REEP3: variants seen among roughly 807,000 people sequenced by gnomAD.
REEP3 encodes receptor accessory protein 3, also known as receptor expression-enhancing protein 3.
REEP3 carries 20 observed loss-of-function variants against 41.3 expected under a neutral mutation model. That is an observed-to-expected ratio of 0.48 (90% CI 0.34 to 0.70). REEP3 has a LOEUF of 0.70. Ranked by LOEUF, REEP3 falls within the 30% of genes least tolerant of loss-of-function variation. REEP3 has a pLI of 0.01. For synonymous variants in REEP3, 104 were observed against 101.8 expected (o/e 1.02, Z -0.13); for missense variants, 271 against 308.8 (o/e 0.88, Z 0.92).
chr10:63,618,104 G>T (rs1034319807), intron 6 of REEP3, among the ~76,000 whole-genome samples: 9 of 151,826 alleles, frequency 5.9e-5, no homozygotes, highest in Admixed American at 2.0e-4. Context: ...GGGATTACAG[G>T]TGTGAGCCAC....
At chr10:63,570,266 T>G (rs1407790734) in intron 2 of REEP3, among the ~76,000 whole-genome samples, 1 of 152,218 alleles carries the variant, frequency 6.6e-6, no homozygotes, top group Non-Finnish European at 1.5e-5. Flanking sequence ...TCCATCAGCA[T>G]TCAAACTGAT....
chr10:63,561,759 A>G (rs551649564), intron 1 of REEP3, among the ~76,000 whole-genome samples: 21 of 152,186 alleles, frequency 1.4e-4, no homozygotes, highest in Non-Finnish European at 2.8e-4. Flanking sequence ...GGATGCATGT[A>G]CTCTCACCAA....
At chr10:63,611,097 C>T (rs1456436119) in intron 6 of REEP3, among the ~76,000 whole-genome samples, 1 of 152,054 alleles carries the variant, frequency 6.6e-6, no homozygotes, top group Non-Finnish European at 1.5e-5. Context: ...TTAGTACTTG[C>T]CTTTTGCTGA....
chr10:63,596,536 CAGA>C (rs1251592443), intron 3 of REEP3, among the ~76,000 whole-genome samples: 47 of 152,226 alleles, frequency 3.1e-4, no homozygotes, highest in African/African-American at 9.9e-4. Context: ...CCCACCTTGA[CAGA>C]AGAACTCAAA....
intron 1 of REEP3, among the ~76,000 whole-genome samples, chr10:63,535,615 A>G (rs992452629): frequency 1.3e-5 from 2 of 152,184 alleles, no homozygotes; most frequent in Non-Finnish European, 2.9e-5. Flanking sequence ...AGGAATTACA[A>G]CCTTGTAGTA....
rs143818844 is a variant in REEP3, at chr10:63,566,045, G to A, written c.33-293G>A. Among the ~76,000 whole-genome samples, 275 of 151,930 alleles carry A rather than the reference G, an allele frequency of 1.8e-3. 7 individuals are homozygous for A. The East Asian group carries it at 0.042, about 23-fold the overall frequency. ...GACTACAGGCACACCCGCCACGCCC[G>A]GCTAATTTTTTTGTATTTTTAGTAG... On this transcript the variant is annotated intron_variant, in intron 1 of 7. Transcript: ENST00000373758.
intron 2 of REEP3, among the ~76,000 whole-genome samples, chr10:63,584,839 G>A (rs1955990225): frequency 6.6e-6 from 1 of 152,144 alleles, no homozygotes; most frequent in Non-Finnish European, 1.5e-5. Context: ...AGTTCTCATT[G>A]GGTGGTCTGA....
At chr10:63,594,379 A>G (rs1421542748) in intron 2 of REEP3, among the ~76,000 whole-genome samples, 1 of 152,140 alleles carries the variant, frequency 6.6e-6, no homozygotes, top group Non-Finnish European at 1.5e-5. Flanking sequence ...CCCTGTCTCT[A>G]CAAAAAATAA....
At chr10:63,559,736 G>A (rs1229454367) in intron 1 of REEP3, among the ~76,000 whole-genome samples, 1 of 152,162 alleles carries the variant, frequency 6.6e-6, no homozygotes, top group Non-Finnish European at 1.5e-5. Context: ...TGAAAATCAA[G>A]TGATATAAGT....
intron 2 of REEP3, among the ~76,000 whole-genome samples, chr10:63,584,701 T>G (rs1420574662): frequency 6.6e-6 from 1 of 152,182 alleles, no homozygotes; most frequent in Non-Finnish European, 1.5e-5. Context: ...AATAGATCTT[T>G]TCAACTCTAT....
chr10:63,553,267 G>C (rs1955646572), intron 1 of REEP3, among the ~76,000 whole-genome samples: 1 of 152,050 alleles, frequency 6.6e-6, no homozygotes, highest in Non-Finnish European at 1.5e-5. Context: ...GTATTAGAGT[G>C]ATTTGAATAA....
chr10:63,523,310 A>T (rs1955313082), intron 1 of REEP3, among the ~76,000 whole-genome samples: 1 of 152,174 alleles, frequency 6.6e-6, no homozygotes, highest in Non-Finnish European at 1.5e-5. Flanking sequence ...AGAATCAGAA[A>T]AGGCAAGGGA....
Position 63,621,184 on chromosome 10 carries a change from G to C in REEP3, c.*315G>C, listed in dbSNP as rs980450578. ...TGAAACACAAATCCACAGTATACTT[G>C]AAAGGAGCCTTTTTACGGTTCAGGA... On this transcript the variant is annotated 3_prime_UTR_variant, in exon 8 of 8. Coordinates refer to ENST00000373758, the MANE Select transcript of REEP3 (RefSeq NM_001001330.3). The C allele has an allele frequency of 3.9e-5, 8 of 205,980 alleles. No homozygotes were observed. Among genetic ancestry groups the C allele is most frequent in the African/African-American group, 1.9e-4 (8 of 42,972 alleles). 12.8% of individuals were successfully genotyped at this position (205,980 alleles called of 1,614,324 possible).
At chr10:63,600,740 G>A (rs565365006) in intron 5 of REEP3, among the ~76,000 whole-genome samples, 37 of 152,252 alleles carry the variant, frequency 2.4e-4, no homozygotes, top group Admixed American at 2.4e-3. Flanking sequence ...CAGATTGAAA[G>A]GACCCACCAA....
chr10:63,598,799 A>AAG (rs1956143667), intron 4 of REEP3, among the ~76,000 whole-genome samples: 1 of 150,792 alleles, frequency 6.6e-6, no homozygotes, highest in East Asian at 2.0e-4. Flanking sequence ...AAAAAAAAAA[A>AAG]GAAGCGCCTG....
intron 6 of REEP3, among the ~76,000 whole-genome samples, chr10:63,616,333 A>G (rs1956312149): frequency 6.6e-6 from 1 of 152,148 alleles, no homozygotes; most frequent in African/African-American, 2.4e-5. Context: ...AGTATTTATT[A>G]CAGTATCATA....
At chr10:63,601,447 A>C (rs1420332265) in intron 5 of REEP3, among the ~76,000 whole-genome samples, 2 of 152,220 alleles carry the variant, frequency 1.3e-5, no homozygotes, top group Non-Finnish European at 2.9e-5. Context: ...GGGATCTGGG[A>C]AACAAGTCAT....
At chr10:63,557,760 C>G (rs1955702878) in intron 1 of REEP3, among the ~76,000 whole-genome samples, 2 of 151,900 alleles carry the variant, frequency 1.3e-5, no homozygotes, top group Non-Finnish European at 1.5e-5. Context: ...AGAAAAATAA[C>G]AGAATTGAGA....
At chr10:63,546,276 A>G (rs1955577927) in intron 1 of REEP3, among the ~76,000 whole-genome samples, 2 of 152,222 alleles carry the variant, frequency 1.3e-5, no homozygotes, top group Non-Finnish European at 2.9e-5. Flanking sequence ...AAGAGGCTGT[A>G]TTAATAAACC....
Sources: allele counts gnomAD v4.1 joint callset (sites outside exome capture counted in the v4.1 genomes callset), GRCh38; gene constraint gnomAD v4.1.1; transcripts MANE v1.5; gene names NCBI Gene and HGNC (gene_info 2026-07-23, HGNC 2026-07-21).